The following IL1RAPL2 variants were observed in gnomAD, a reference collection of about 807,000 sequenced individuals.
The protein encoded by IL1RAPL2 is X-linked interleukin-1 receptor accessory protein-like 2.
A neutral mutation model predicts 44.1 loss-of-function variants in IL1RAPL2; 3 were observed. The ratio of observed to expected loss-of-function variants is 0.07; its 90% confidence interval spans 0.03 to 0.18. IL1RAPL2 has a LOEUF of 0.18. IL1RAPL2 is among the 10% of genes least tolerant of loss of function. The probability of loss-of-function intolerance (pLI) is 1.00; values close to 1 mark genes in which losing one functional copy is unlikely to be tolerated. For missense variants in IL1RAPL2, 391 were observed against 496.4 expected, an observed-to-expected ratio of 0.79 and a Z score of 2.02; for synonymous variants, 181 against 178.8, an observed-to-expected ratio of 1.01 and a Z score of -0.10.
intron 6 of IL1RAPL2, among the ~76,000 whole-genome samples, chrX:105,707,501 T>C (rs778977244): frequency 5.4e-4 from 60 of 112,084 alleles, no homozygotes; most frequent in Non-Finnish European, 1.1e-3. Flanking sequence ...ATATAAGATA[T>C]GGTTTCCATC....
rs201328126 is a variant in IL1RAPL2 at position 105,337,811 on chromosome X, A to G, written c.697+70270A>G. ...GAGGCTAAGGCAGGAGAATGGTGTG[A>G]ACCCAGGAGGCAGAGCTTGCAGTGA... On this transcript the variant is annotated intron_variant, in intron 5 of 10. Coordinates refer to ENST00000372582, the MANE Select transcript of IL1RAPL2 (RefSeq NM_017416.2). 1.9e-4 allele frequency among the ~76,000 whole-genome samples: 21 copies of G among 110,753 alleles called. No individual in the cohort carries two copies. In the East Asian group the frequency reaches 6.0e-3, roughly 32 times the overall value.
intron 5 of IL1RAPL2, among the ~76,000 whole-genome samples, chrX:105,370,407 T>C (rs1015190468): frequency 2.7e-5 from 3 of 111,393 alleles, no homozygotes; most frequent in Non-Finnish European, 5.6e-5. Flanking sequence ...CCCTGGTGTC[T>C]ATTGTTCCCT....
intron 2 of IL1RAPL2, among the ~76,000 whole-genome samples, chrX:104,761,930 CTTCTTCTTCTT>C (rs1569309925): frequency 6.0e-4 from 23 of 38,305 alleles, no homozygotes; most frequent in Admixed American, 7.9e-4. Context: ...TCTCCTTCTT[CTTCTTCTTCTT>C]CTTCTTCTTC....
At chrX:105,038,750 G>A (rs1019882147) in intron 2 of IL1RAPL2, among the ~76,000 whole-genome samples, 11 of 110,125 alleles carry the variant, frequency 1.0e-4, no homozygotes, top group African/African-American at 3.3e-4. Context: ...CTCTTTCTAG[G>A]TATATGATTA....
intron 2 of IL1RAPL2, among the ~76,000 whole-genome samples, chrX:105,019,506 C>G (rs2031246319): frequency 9.0e-6 from 1 of 111,299 alleles, no homozygotes; most frequent in African/African-American, 3.3e-5. Context: ...GAGAAATATC[C>G]AACCCTCATA....
chrX:104,689,044 C>T (rs1931041984), intron 2 of IL1RAPL2, among the ~76,000 whole-genome samples: 1 of 111,411 alleles, frequency 9.0e-6, no homozygotes, highest in African/African-American at 3.3e-5. Flanking sequence ...GTCCAGAGAC[C>T]CTGAGAGAAG....
chrX:104,778,799 TACTA>T (rs1049459505), intron 2 of IL1RAPL2, among the ~76,000 whole-genome samples: 1 of 110,128 alleles, frequency 9.1e-6, no homozygotes, highest in Non-Finnish European at 1.9e-5. Context: ...GATTTTTACT[TACTA>T]AGCAGGTAGA....
At chrX:105,158,285 G>C (rs1035187449) in intron 2 of IL1RAPL2, among the ~76,000 whole-genome samples, 5 of 111,624 alleles carry the variant, frequency 4.5e-5, no homozygotes, top group African/African-American at 1.6e-4. Flanking sequence ...GGTAAACCCA[G>C]GAGGCGGAGC....
At chrX:104,745,794 C>A (rs1444113500) in intron 2 of IL1RAPL2, among the ~76,000 whole-genome samples, 1 of 111,252 alleles carries the variant, frequency 9.0e-6, no homozygotes, top group Non-Finnish European at 1.9e-5. Context: ...AATGACTCAG[C>A]TGTTTAATAG....
At chrX:104,926,841 A>G (rs1198889161) in intron 2 of IL1RAPL2, among the ~76,000 whole-genome samples, 1 of 111,430 alleles carries the variant, frequency 9.0e-6, no homozygotes, top group Non-Finnish European at 1.9e-5. Flanking sequence ...ACAAATACCA[A>G]TCAACTCAGG....
At chrX:104,753,536 T>C (rs1932296912) in intron 2 of IL1RAPL2, among the ~76,000 whole-genome samples, 1 of 111,692 alleles carries the variant, frequency 9.0e-6, no homozygotes, top group South Asian at 3.7e-4. Context: ...GAATAACTTA[T>C]GTACTAAAAA....
chrX:105,047,673 G>A (rs1388788708), intron 2 of IL1RAPL2, among the ~76,000 whole-genome samples: 1 of 111,585 alleles, frequency 9.0e-6, no homozygotes, highest in Non-Finnish European at 1.9e-5. Flanking sequence ...GCCTGCTCTA[G>A]CTTAATTCTT....
intron 2 of IL1RAPL2, among the ~76,000 whole-genome samples, chrX:104,878,349 G>A (rs1922966439): frequency 1.8e-5 from 2 of 111,791 alleles, no homozygotes; most frequent in African/African-American, 3.2e-5. Context: ...TATCCAGCAG[G>A]CACTGTGCTC....
intron 6 of IL1RAPL2, among the ~76,000 whole-genome samples, chrX:105,697,842 T>A (rs920215657): frequency 8.9e-6 from 1 of 111,999 alleles, no homozygotes; most frequent in African/African-American, 3.2e-5. Flanking sequence ...AGTAGCTATT[T>A]TTCTCATTAT....
chrX:105,434,591 C>T (rs967581293), intron 5 of IL1RAPL2, among the ~76,000 whole-genome samples: 38 of 111,635 alleles, frequency 3.4e-4, no homozygotes, highest in African/African-American at 1.2e-3. Context: ...TGTTTAAGTT[C>T]CTTCCAAATT....
At chrX:105,450,060 C>T (rs2036008565) in intron 5 of IL1RAPL2, among the ~76,000 whole-genome samples, 1 of 112,027 alleles carries the variant, frequency 8.9e-6, no homozygotes, top group South Asian at 3.8e-4. Flanking sequence ...TAGCAGTTCA[C>T]CTGATGTTCT....
At chrX:105,406,784 C>T (rs1292012030) in intron 5 of IL1RAPL2, 22 of 1,180,652 alleles carry the variant, frequency 1.9e-5, no homozygotes, top group Non-Finnish European at 2.5e-5. Context: ...GGTCTTAAAG[C>T]CAATTTAGAA....
intron 2 of IL1RAPL2, among the ~76,000 whole-genome samples, chrX:104,759,414 ACT>A (rs757950558): frequency 1.8e-5 from 2 of 111,262 alleles, no homozygotes; most frequent in African/African-American, 6.5e-5. Flanking sequence ...ATTGCTTTAG[ACT>A]CTGTTTCATT....
chrX:105,499,948 A>G (rs1371386614), intron 6 of IL1RAPL2, among the ~76,000 whole-genome samples: 1 of 112,482 alleles, frequency 8.9e-6, no homozygotes, highest in Non-Finnish European at 1.9e-5. Flanking sequence ...CAGCAGATTA[A>G]TGGATAAATA....
Sources: gnomAD v4.1 joint callset for allele counts (sites outside exome capture counted in the v4.1 genomes callset) on GRCh38, gnomAD v4.1.1 for gene constraint, MANE v1.5 for transcripts, NCBI Gene and HGNC (gene_info 2026-07-23, HGNC 2026-07-21) for gene names.